CYP24A1: variants seen among roughly 807,000 people sequenced by gnomAD.
CYP24A1 encodes 1,25-dihydroxyvitamin D(3) 24-hydroxylase, mitochondrial.
Under a neutral mutation model 62.4 loss-of-function variants are expected in CYP24A1, and 68 were observed. The ratio of observed to expected loss-of-function variants is 1.09; its 90% CI spans 0.90 to 1.33. CYP24A1 has a LOEUF of 1.33. Among genes scored for constraint, CYP24A1 ranks in the 40% most tolerant of loss-of-function variants. The pLI is 0.00. For synonymous variants in CYP24A1, 267 were observed against 253.0 expected, an observed-to-expected ratio of 1.06 and a Z score of -0.52; for missense variants, 787 against 653.0, an observed-to-expected ratio of 1.21 and a Z score of -2.24.
downstream of CYP24A1, among the ~76,000 whole-genome samples, chr20:54,150,421 C>T (rs947968358): frequency 2.8e-5 from 2 of 70,948 alleles, no homozygotes; most frequent in Non-Finnish European, 5.2e-5. Context: ...GTAACCTCCG[C>T]CCCCCAGGTT....
At chr20:54,166,271 C>T (rs1280800596) in intron 4 of CYP24A1, among the ~76,000 whole-genome samples, 1 of 152,156 alleles carries the variant, frequency 6.6e-6, no homozygotes, top group Non-Finnish European at 1.5e-5. Context: ...TTCTAAACAC[C>T]CATTACACGC....
intron 6 of CYP24A1, among the ~76,000 whole-genome samples, chr20:54,163,295 A>G (rs566345040): frequency 7.9e-4 from 121 of 152,338 alleles, no homozygotes; most frequent in African/African-American, 2.8e-3. Flanking sequence ...ACTTGGACCC[A>G]GATATTACTA....
chr20:54,170,729 C>T (rs894015590), intron 3 of CYP24A1, among the ~76,000 whole-genome samples: 1 of 152,114 alleles, frequency 6.6e-6, no homozygotes, highest in Non-Finnish European at 1.5e-5. Flanking sequence ...TGCACTATCA[C>T]GTTTCCTGAA....
intron 4 of CYP24A1, 113 bp from the exon 5 acceptor site, chr20:54,165,946 C>G (rs2092670432): frequency 1.3e-6 from 1 of 777,774 alleles, no homozygotes; most frequent in Admixed American, 1.9e-5. Context: ...GTGGGATTTT[C>G]TGAGAAAAGG....
intron 2 of CYP24A1, 82 bp from the exon 3 acceptor site, chr20:54,171,752 G>C (rs2092694900): frequency 7.4e-6 from 12 of 1,611,636 alleles, no homozygotes; most frequent in Non-Finnish European, 1.0e-5. Context: ...GCAACTTCAG[G>C]AACCATAAAA....
chr20:54,152,052 C>A (rs1429690869), downstream of CYP24A1, among the ~76,000 whole-genome samples: 1 of 152,156 alleles, frequency 6.6e-6, no homozygotes, highest in East Asian at 1.9e-4. Context: ...GCAACCTGCT[C>A]AGGGAGGTGA....
chr20:54,153,830 T>A lies in CYP24A1; in HGVS notation c.*942A>T, dbSNP rs2092617482. 6.6e-6 allele frequency: 1 copy of A among 152,614 alleles called. No homozygotes were observed. Among genetic ancestry groups the A allele is most frequent in the African/African-American group, 2.4e-5 (1 of 41,456 alleles). The allele number at this position is 152,614 out of a possible 1,614,324, so 9.5% of individuals were successfully genotyped here. Reference sequence around the variant, plus strand: ...GGAGTTCAAATCACAAAACAAATGTTATATAACAGATCTCTAACTTTTGCA... The same window carrying A: ...GGAGTTCAAATCACAAAACAAATGTAATATAACAGATCTCTAACTTTTGCA... On this transcript the variant is annotated 3_prime_UTR_variant, in exon 12 of 12. Coordinates refer to ENST00000216862, the MANE Select transcript of CYP24A1 (RefSeq NM_000782.5).
rs1297239056 is a variant in CYP24A1, at chr20:54,162,574, TC to T, written c.990+142del. 8 of 575,974 alleles carry T rather than the reference TC, an allele frequency of 1.4e-5. No homozygotes were observed. In the African/African-American group the frequency reaches 2.1e-4, roughly 15 times the overall value. The allele number at this position is 575,974 out of a possible 1,614,324, so 35.7% of individuals were successfully genotyped here. ...TGCTGTGCGCGGAGGCACCGTGGCA[TC>T]TAGTATGAGACTTTTCATTTTTGTG... On this transcript the variant is annotated intron_variant, in intron 7 of 11. Transcript: ENST00000216862.
At chr20:54,166,475 T>C (rs972410746) in intron 4 of CYP24A1, among the ~76,000 whole-genome samples, 8 of 152,230 alleles carry the variant, frequency 5.3e-5, no homozygotes, top group Non-Finnish European at 2.9e-5. Flanking sequence ...CATTTCTTTC[T>C]CTTTGTGTGT....
At chr20:54,170,317 T>C (rs1427432377) in intron 3 of CYP24A1, among the ~76,000 whole-genome samples, 2 of 152,110 alleles carry the variant, frequency 1.3e-5, no homozygotes, top group Non-Finnish European at 2.9e-5. Flanking sequence ...CTGTACGAAG[T>C]GTATTGGTTG....
intron 4 of CYP24A1, 124 bp from the exon 5 acceptor site, chr20:54,165,957 C>T: frequency 1.3e-6 from 1 of 741,486 alleles, no homozygotes; most frequent in Non-Finnish European, 2.4e-6. Context: ...TGAGAAAAGG[C>T]AACAGTCCAA....
chr20:54,160,899 G>A (rs1235034925), intron 7 of CYP24A1, among the ~76,000 whole-genome samples: 1 of 152,196 alleles, frequency 6.6e-6, no homozygotes, highest in Non-Finnish European at 1.5e-5. Context: ...AAACCTCAGG[G>A]GCACAAACTA....
intron 4 of CYP24A1, among the ~76,000 whole-genome samples, chr20:54,167,994 A>G (rs1215835994): frequency 6.6e-6 from 1 of 152,138 alleles, no homozygotes. Context: ...ACAGCCCTCC[A>G]TGAGCTGGCT....
At chr20:54,160,510 G>T (rs2092646498) in intron 7 of CYP24A1, among the ~76,000 whole-genome samples, 1 of 152,204 alleles carries the variant, frequency 6.6e-6, no homozygotes, top group Non-Finnish European at 1.5e-5. Context: ...AGAGATGATG[G>T]TTATTTTATT....
intron 11 of CYP24A1, among the ~76,000 whole-genome samples, chr20:54,156,463 G>T (rs2092628301): frequency 6.6e-6 from 1 of 152,166 alleles, no homozygotes; most frequent in African/African-American, 2.4e-5. Flanking sequence ...CAAAGTTGAG[G>T]ATCGCCTTCA....
chr20:54,148,638 AAAAC>A (rs142609177), downstream of CYP24A1, among the ~76,000 whole-genome samples: 23 of 152,186 alleles, frequency 1.5e-4, no homozygotes, highest in Admixed American at 9.2e-4. Context: ...ACAACATGTC[AAAAC>A]AAACAAACAA....
the CYP24A1 span, among the ~76,000 whole-genome samples, chr20:54,144,676 T>C: frequency 6.7e-6 from 1 of 148,824 alleles, no homozygotes; most frequent in African/African-American, 2.4e-5. Flanking sequence ...ATATATATTA[T>C]AGAATTAATT....
downstream of CYP24A1, among the ~76,000 whole-genome samples, chr20:54,150,165 C>T (rs922102402): frequency 2.0e-5 from 3 of 152,058 alleles, no homozygotes; most frequent in East Asian, 1.9e-4. Context: ...TATGTGTTTA[C>T]GGTATACTTT....
chr20:54,165,303 A>G (rs1230827057), intron 5 of CYP24A1, among the ~76,000 whole-genome samples: 23 of 152,354 alleles, frequency 1.5e-4, no homozygotes, highest in South Asian at 2.1e-4. Flanking sequence ...TCTATGTTCC[A>G]CACTCCTTAT....
Sources: gnomAD v4.1 joint callset for allele counts (sites outside exome capture counted in the v4.1 genomes callset) on GRCh38, gnomAD v4.1.1 for gene constraint, MANE v1.5 for transcripts, NCBI Gene and HGNC (gene_info 2026-07-23, HGNC 2026-07-21) for gene names.